Variants in ACLY observed in about 807,000 individuals in gnomAD.
ACLY encodes the protein ATP citrate lyase.
A neutral mutation model predicts 133.0 loss-of-function variants in ACLY; 41 were observed. That is an observed-to-expected ratio of 0.31 (90% CI 0.24 to 0.40). ACLY has a LOEUF of 0.40. Ranked by LOEUF, ACLY falls within the 10% of genes least tolerant of loss-of-function variation. The probability of loss-of-function intolerance (pLI) is 1.00; values close to 1 mark genes in which losing one functional copy is unlikely to be tolerated. For missense variants in ACLY, 1,046 were observed against 1,453.8 expected (o/e 0.72, Z 4.56); for synonymous variants, 495 against 549.3 (o/e 0.90, Z 1.38).
rs146281904 is a variant in ACLY, at chr17:41,884,819, G to A, written c.2073-545C>T. Among the ~76,000 whole-genome samples, 19 of 152,222 alleles carry A rather than the reference G, an allele frequency of 1.2e-4. No homozygotes were observed. In the East Asian group the frequency reaches 3.1e-3, roughly 25 times the overall value. ...GGAGGATCGCTTGAATTTTTTGATCGTCTCAAAAACAAAAACAAACAAACA... is the reference window on the plus strand; with the variant it reads ...GGAGGATCGCTTGAATTTTTTGATCATCTCAAAAACAAAAACAAACAAACA... On this transcript the variant is annotated intron_variant, in intron 18 of 28. Coordinates refer to ENST00000352035, the MANE Select transcript of ACLY (RefSeq NM_001096.3).
chr17:41,929,179 C>T (rs903149658), intron 1 of ACLY, among the ~76,000 whole-genome samples: 9 of 151,514 alleles, frequency 5.9e-5, no homozygotes, highest in Admixed American at 3.9e-4. Flanking sequence ...ACTGCAGCCT[C>T]GACCTCCCAC....
chr17:41,918,960 G>A (rs1250203503), upstream of ACLY: 5 of 1,289,170 alleles, frequency 3.9e-6, no homozygotes, highest in Non-Finnish European at 5.1e-6. Context: ...GCAGCCGGTA[G>A]CTTCCCGGGA....
chr17:41,917,304 G>A (rs1189875000), intron 1 of ACLY, among the ~76,000 whole-genome samples: 1 of 152,120 alleles, frequency 6.6e-6, no homozygotes, highest in Non-Finnish European at 1.5e-5. Flanking sequence ...TGGACTCCAG[G>A]AACTGTTACT....
chr17:41,897,682 G>C, intron 13 of ACLY, 67 bp downstream of exon 13: 3 of 1,456,702 alleles, frequency 2.1e-6, no homozygotes, highest in Middle Eastern at 2.2e-4. Context: ...AAAGGGAAAG[G>C]GGAGAGAGAT....
chr17:41,924,115 T>C (rs2050213797), intron 1 of ACLY, among the ~76,000 whole-genome samples: 1 of 151,458 alleles, frequency 6.6e-6, no homozygotes, highest in Admixed American at 6.6e-5. Context: ...GGCCCAGTTC[T>C]ACTATTTTTT....
Position 41,886,318 on chromosome 17 carries a change from C to A in ACLY, c.1876-10G>T. On this transcript the variant is annotated splice_polypyrimidine_tract_variant and intron_variant, in intron 17 of 28. Coordinates refer to ENST00000352035, the MANE Select transcript of ACLY (RefSeq NM_001096.3). ...GCTTGATGCCTCCAACCTGTGGGGG[C>A]AGAAACCACAATCAGGGAGGAAGGT... 6.3e-7 allele frequency: 1 copy of A among 1,594,246 alleles called. No homozygotes were observed. Among genetic ancestry groups the A allele is most frequent in the Non-Finnish European group, 8.6e-7 (1 of 1,165,428 alleles).
rs147061437 is a variant in ACLY, at chr17:41,883,096, C to T, written c.2265+26G>A. 1.1e-4 allele frequency: 168 copies of T among 1,598,358 alleles called. 1 individual carries two copies. The East Asian group carries it at 3.8e-3, about 36-fold the overall frequency. On this transcript the variant is annotated intron_variant, in intron 20 of 28. Coordinates refer to ENST00000352035, the MANE Select transcript of ACLY (RefSeq NM_001096.3). Reference sequence around the variant, plus strand: ...CCCTCTTGCAATCCCCACTCCCAGCCCAGAAGTGACCCATCTCAGCCATAC... The same window carrying T: ...CCCTCTTGCAATCCCCACTCCCAGCTCAGAAGTGACCCATCTCAGCCATAC...
At chr17:41,884,821 C>T (rs2049008788) in intron 18 of ACLY, among the ~76,000 whole-genome samples, 1 of 152,102 alleles carries the variant, frequency 6.6e-6, no homozygotes, top group Non-Finnish European at 1.5e-5. Context: ...TTTTGATCGT[C>T]TCAAAAACAA....
chr17:41,922,150 G>A (rs903142110), upstream of ACLY, among the ~76,000 whole-genome samples: 7 of 152,032 alleles, frequency 4.6e-5, no homozygotes, highest in East Asian at 3.9e-4. Flanking sequence ...AGGCCGAGGC[G>A]GGCGGATCAC....
At chr17:41,919,138 G>C, upstream of ACLY, 1 of 1,101,642 alleles carries the variant, frequency 9.1e-7, no homozygotes, top group Non-Finnish European at 1.1e-6. Flanking sequence ...GGGCCTGCTG[G>C]GACTTGTAGT....
At chr17:41,869,630 C>T in intron 25 of ACLY, 43 bp from the exon 26 acceptor site, 2 of 1,510,588 alleles carry the variant, frequency 1.3e-6, no homozygotes, top group Non-Finnish European at 1.8e-6. Flanking sequence ...TCACACACTG[C>T]TGGGATGTGT....
At chr17:41,872,372 C>G (rs1249613875) in intron 23 of ACLY, among the ~76,000 whole-genome samples, 190 bp from the exon 24 acceptor site, 3 of 152,194 alleles carry the variant, frequency 2.0e-5, no homozygotes, top group Non-Finnish European at 4.4e-5. Flanking sequence ...GTCGCCTAGG[C>G]TGGAATGCAG....
chr17:41,916,929 G>A (rs1431495379), intron 1 of ACLY, among the ~76,000 whole-genome samples: 1 of 151,780 alleles, frequency 6.6e-6, no homozygotes, highest in African/African-American at 2.4e-5. Flanking sequence ...CAAATCACGA[G>A]GTCAGGAGTT....
intron 14 of ACLY, 52 bp from the exon 15 acceptor site, chr17:41,893,226 C>A: frequency 6.4e-7 from 1 of 1,561,236 alleles, no homozygotes; most frequent in Non-Finnish European, 8.7e-7. Context: ...CCCCAGGAGA[C>A]CTGCAGGGGC....
At chr17:41,919,750 A>G (rs142829290), upstream of ACLY, among the ~76,000 whole-genome samples, 26 of 152,326 alleles carry the variant, frequency 1.7e-4, no homozygotes, top group African/African-American at 5.8e-4. Flanking sequence ...AGGCTTAGAC[A>G]CTGGAATGAA....
At chr17:41,882,540 C>G (rs1030452305) in intron 20 of ACLY, among the ~76,000 whole-genome samples, 1 of 152,012 alleles carries the variant, frequency 6.6e-6, no homozygotes, top group African/African-American at 2.4e-5. Context: ...AGCACAGGGG[C>G]TGAAGTCTGG....
intron 10 of ACLY, among the ~76,000 whole-genome samples, chr17:41,903,755 CAAAAAAAAAAAAAAAAAAAAA>C (rs10615655): frequency 6.8e-4 from 33 of 48,696 alleles, no homozygotes; most frequent in African/African-American, 3.1e-3. Context: ...GACTCTGTCT[CAAAAAAAAAAAAAAAAAAAAA>C]AAAAAAAAAA....
chr17:41,887,824 T>A, intron 16 of ACLY, 121 bp from the exon 17 acceptor site: 1 of 802,260 alleles, frequency 1.2e-6, no homozygotes, highest in Non-Finnish European at 2.1e-6. Flanking sequence ...AAGAACAAAG[T>A]AATGTTAACA....
intron 1 of ACLY, among the ~76,000 whole-genome samples, chr17:41,925,708 A>C (rs546924412): frequency 3.2e-4 from 49 of 152,224 alleles, no homozygotes; most frequent in Non-Finnish European, 6.0e-4. Flanking sequence ...TGTTGAAGTA[A>C]TCCAGGAGAG....
Sources: gnomAD v4.1 joint callset for allele counts (sites outside exome capture counted in the v4.1 genomes callset) on GRCh38, gnomAD v4.1.1 for gene constraint, MANE v1.5 for transcripts, NCBI Gene and HGNC (gene_info 2026-07-23, HGNC 2026-07-21) for gene names.